HPD: variants seen among roughly 807,000 people sequenced by gnomAD.
HPD encodes the protein 4-hydroxyphenylpyruvate dioxygenase.
In HPD, 35 loss-of-function variants were observed where a neutral mutation model predicts 56.9. The observed-to-expected ratio is 0.62, with a 90% CI of 0.47 to 0.82. HPD has a LOEUF of 0.82. HPD is among the 40% of genes least tolerant of loss of function. The pLI, the probability that HPD is intolerant of heterozygous loss-of-function variation, is 0.00. For missense variants in HPD, 442 were observed against 506.8 expected, an observed-to-expected ratio of 0.87 and a Z score of 1.23; for synonymous variants, 186 against 200.2, an observed-to-expected ratio of 0.93 and a Z score of 0.60.
At chr12:121,849,992 C>T (rs1336863700) in intron 7 of HPD, 1 of 593,380 alleles carries the variant, frequency 1.7e-6, no homozygotes, top group African/African-American at 1.8e-5. Context: ...AGGGCGGGGA[C>T]ACTGTTTTGC....
chr12:121,862,064 C>T (rs1320451076), upstream of HPD, among the ~76,000 whole-genome samples: 1 of 152,126 alleles, frequency 6.6e-6, no homozygotes, highest in African/African-American at 2.4e-5. Context: ...TGAGCTGTTT[C>T]AGTGTCAGCA....
chr12:121,883,791 T>C, the HPD span, among the ~76,000 whole-genome samples: 14 of 151,882 alleles, frequency 9.2e-5, no homozygotes, highest in Non-Finnish European at 1.5e-4. Flanking sequence ...AGTGCTAGGA[T>C]TATAGCCATG....
chr12:121,846,346 A>G (rs1189242679), intron 11 of HPD, among the ~76,000 whole-genome samples: 1 of 152,122 alleles, frequency 6.6e-6, no homozygotes, highest in Non-Finnish European at 1.5e-5. Flanking sequence ...CCTCCTGAGA[A>G]GCTGGGATTA....
chr12:121,856,840 A>C (rs1443455579), intron 4 of HPD: 1 of 611,822 alleles, frequency 1.6e-6, no homozygotes, highest in East Asian at 2.8e-5. Flanking sequence ...AGGAACTGCT[A>C]GGTCAGGTCT....
At chr12:121,867,799 GGTGTCAGCCACC>G (rs1457446743), upstream of HPD, among the ~76,000 whole-genome samples, 15 of 152,148 alleles carry the variant, frequency 9.9e-5, no homozygotes, top group South Asian at 3.1e-3. Context: ...TGGGATTACA[GGTGTCAGCCACC>G]GTGCCCGACA....
At chr12:121,864,554 T>TAAAAA (rs11412457), upstream of HPD, among the ~76,000 whole-genome samples, 2 of 130,952 alleles carry the variant, frequency 1.5e-5, no homozygotes, top group African/African-American at 5.7e-5. Flanking sequence ...CCCTGACTAT[T>TAAAAA]AAAAAAAAAA....
rs773019023 is a variant in HPD at position 121,858,540 on chromosome 12, C to A, written c.30+147G>T. 2.6e-5 allele frequency: 22 copies of A among 839,548 alleles called. No individual in the cohort carries two copies. The African/African-American group carries it at 3.7e-4, about 14-fold the overall frequency. 52.0% of individuals were successfully genotyped at this position (839,548 alleles called of 1,614,324 possible). ...AGTCCAGCTCAGTCTCGGGGAGCCC[C>A]GGGGGTAAAGCTGAGTGTGCAGGCA... On this transcript the variant is annotated intron_variant, in intron 2 of 13. Coordinates refer to ENST00000289004, the MANE Select transcript of HPD (RefSeq NM_002150.3).
chr12:121,844,733 T>G (rs1026152597), intron 11 of HPD, among the ~76,000 whole-genome samples: 2 of 151,092 alleles, frequency 1.3e-5, no homozygotes, highest in Non-Finnish European at 3.0e-5. Flanking sequence ...AAAAAAAAAT[T>G]AGCTGGGCGT....
chr12:121,855,934 C>A (rs1877976558), intron 6 of HPD, among the ~76,000 whole-genome samples: 2 of 140,818 alleles, frequency 1.4e-5, no homozygotes, highest in South Asian at 4.4e-4. Context: ...CGTGCCATTG[C>A]ACTCCAACCT....
chr12:121,856,693 C>T (rs1395446318), intron 4 of HPD, 68 bp from the exon 5 acceptor site: 1 of 1,476,298 alleles, frequency 6.8e-7, no homozygotes, highest in Non-Finnish European at 9.4e-7. Context: ...ACCCATCGGC[C>T]CCTCCCTGCC....
the HPD span, among the ~76,000 whole-genome samples, chr12:121,879,009 G>A: frequency 3.9e-5 from 6 of 152,142 alleles, no homozygotes; most frequent in African/African-American, 1.2e-4. Context: ...TATAGGCCGG[G>A]TGAGGTGGCT....
chr12:121,874,256 G>GA, the HPD span: 1 of 152,250 alleles, frequency 6.6e-6, no homozygotes, highest in African/African-American at 2.4e-5. Flanking sequence ...TTTGTGGCTA[G>GA]AAAATGCTTA....
rs1877703595 is a variant in HPD at position 121,849,762 on chromosome 12, T to TC, written c.442dup (p.Glu148GlyfsTer14). On this transcript the variant is annotated frameshift_variant, in exon 8 of 14. Coordinates refer to ENST00000289004, the MANE Select transcript of HPD (RefSeq NM_002150.3). LOFTEE classifies it high-confidence loss of function. ...GAATTGGCCGATGTAGTTCATCTTC[T>TC]CCACCAGGGTGTGTGTGGTGTCCCC... The TC allele has an allele frequency of 1.2e-6, 2 of 1,613,788 alleles. No individual in the cohort carries two copies. Among genetic ancestry groups the TC allele is most frequent in the Non-Finnish European group, 1.7e-6 (2 of 1,179,858 alleles).
In HPD at chr12:121,857,430, G is replaced by A. The variant is rs550483937; in HGVS notation, c.96C>T (p.Ala32=). 8.1e-6 allele frequency: 13 copies of A among 1,604,044 alleles called. No homozygotes were observed. Among genetic ancestry groups the A allele is most frequent in the East Asian group, 4.5e-5 (2 of 44,842 alleles). Residue 32 remains alanine (A), a splice_region_variant and synonymous_variant, in exon 4 of 14, where the codon GCC becomes GCT. Coordinates refer to ENST00000289004, the MANE Select transcript of HPD (RefSeq NM_002150.3). ...VTFWVGNAKQ[A]TSFYCSKMGF... is the part of the protein sequence containing the mutation. ...CCATCTTGCTGCAGTAGAATGACGTGGCCTGAATCACAGGGTTGCAGCAGG... is the reference window on the plus strand; with the variant it reads ...CCATCTTGCTGCAGTAGAATGACGTAGCCTGAATCACAGGGTTGCAGCAGG...
At chr12:121,857,732 T>C (rs1878056236) in intron 3 of HPD, 25 bp downstream of exon 3, 1 of 1,606,516 alleles carries the variant, frequency 6.2e-7, no homozygotes, top group African/African-American at 1.3e-5. Flanking sequence ...GTCTGCTCAC[T>C]CCAGCACCTT....
Position 121,843,829 on chromosome 12 carries a change from G to T in HPD, c.835C>A (p.Arg279Ser), listed in dbSNP as rs148442477. ...LKTEDIITAI[R>S]HLRERGLEFL... ...TCCAGGCCTCTCTCTCTCAAGTGGC[G>T]AATCTGTTTCAGAGCAAAGCTGAGG... The change falls in exon 12 of 14, where the codon CGC (arginine) becomes AGC (serine). Residue 279 changes from arginine (R) to serine (S), a missense_variant. Coordinates refer to ENST00000289004, the MANE Select transcript of HPD (RefSeq NM_002150.3). 1.9e-6 allele frequency: 3 copies of T among 1,614,042 alleles called. No individual in the cohort carries two copies. The highest frequency in any genetic ancestry group is 2.2e-5 in the South Asian group (2 of 91,072).
chr12:121,849,492 C>T (rs563019150), intron 8 of HPD, among the ~76,000 whole-genome samples, 195 bp downstream of exon 8: 3 of 152,036 alleles, frequency 2.0e-5, no homozygotes, highest in Non-Finnish European at 4.4e-5. Context: ...GATTTGAACC[C>T]GGGGAAGTTT....
chr12:121,886,964 A>G, the HPD span, among the ~76,000 whole-genome samples: 1 of 152,076 alleles, frequency 6.6e-6, no homozygotes, highest in African/African-American at 2.4e-5. Flanking sequence ...CAGTGACATG[A>G]TCTCAGCTCA....
the HPD span, among the ~76,000 whole-genome samples, chr12:121,876,971 G>GT: frequency 6.6e-6 from 1 of 151,854 alleles, no homozygotes; most frequent in African/African-American, 2.4e-5. Flanking sequence ...GTGCACGCCT[G>GT]TAAGCCCAGC....
Sources: allele counts gnomAD v4.1 joint callset (sites outside exome capture counted in the v4.1 genomes callset), GRCh38; gene constraint gnomAD v4.1.1; transcripts MANE v1.5; gene names NCBI Gene and HGNC (gene_info 2026-07-23, HGNC 2026-07-21).